The following C5AR1 variants were observed in gnomAD, a reference collection of about 807,000 sequenced individuals.
C5AR1 encodes the protein complement C5a receptor 1, also known as C5a anaphylatoxin chemotactic receptor 1.
C5AR1 carries 4 observed loss-of-function variants against 2.4 expected under a neutral mutation model. That is an observed-to-expected ratio of 1.65 (90% CI 0.81 to 3.77). The LOEUF (loss-of-function observed/expected upper bound fraction) is 3.77, where lower values mean the gene tolerates loss of function less well. Ranked by LOEUF, C5AR1 falls within the 30% of genes most tolerant of loss-of-function variation. The pLI is 0.01. For missense variants in C5AR1, 418 were observed against 462.5 expected (o/e 0.90, Z 0.88); for synonymous variants, 209 against 210.4 (o/e 0.99, Z 0.06).
Position 47,317,758 on chromosome 19 carries a change from A to C in C5AR1, c.4-2023A>C, listed in dbSNP as rs571128328. Reference sequence around the variant, plus strand: ...AGCATTTTGGGAGGCCAAGGCAGGCAGATCACGAGGTCAGGAGTTCGAGAC... The same window carrying C: ...AGCATTTTGGGAGGCCAAGGCAGGCCGATCACGAGGTCAGGAGTTCGAGAC... On this transcript the variant is annotated intron_variant, in intron 1 of 1. Transcript: ENST00000355085. Among the ~76,000 whole-genome samples, 103 of 152,016 alleles carry C rather than the reference A, an allele frequency of 6.8e-4. 1 individual carries two copies. Among genetic ancestry groups the C allele is most frequent in the African/African-American group, 2.2e-3 (92 of 41,518 alleles).
At chr19:47,311,691 A>G (rs2059271252) in intron 1 of C5AR1, among the ~76,000 whole-genome samples, 3 of 151,638 alleles carry the variant, frequency 2.0e-5, no homozygotes, top group Admixed American at 2.0e-4. Flanking sequence ...CAGCCTCCCG[A>G]CTAGGTGGGA....
chr19:47,320,694 G>T lies in C5AR1; in HGVS notation c.917G>T (p.Gly306Val). The change falls in exon 2 of 2, where the codon GGC becomes GTC. Residue 306 changes from glycine to valine, a missense_variant. By Grantham distance (109) the Gly-to-Val change is moderately radical (BLOSUM62 -3). Coordinates refer to ENST00000355085, the MANE Select transcript of C5AR1 (RefSeq NM_001736.4). The surrounding 1 kb of genome is among the most constrained non-coding windows in gnomAD (Gnocchi z 4.9). ...NPIIYVVAGQGFQGRLRKSLP... is the reference protein window; with the variant it reads ...NPIIYVVAGQVFQGRLRKSLP... ...ATCATCTACGTGGTGGCCGGCCAGG[G>T]CTTCCAGGGCCGACTGCGGAAATCC... 6.2e-7 allele frequency: 1 copy of T among 1,614,148 alleles called. No homozygotes were observed. The highest frequency in any genetic ancestry group is 1.1e-5 in the South Asian group (1 of 91,080).
At position 47,320,301 on chromosome 19, in the gene C5AR1, G is replaced by A. The variant is rs200984662; in HGVS notation, c.524G>A (p.Arg175Gln). 18 of 1,611,666 alleles carry A rather than the reference G, an allele frequency of 1.1e-5. No individual in the cohort carries two copies. In the Admixed American group the frequency reaches 1.5e-4, roughly 13 times the overall value. ...LLLTIPSFLY[R>Q]VVREEYFPPK... ...CTGACCATACCCTCCTTCCTGTACC[G>A]GGTGGTCCGGGAGGAGTACTTTCCA... The change falls in exon 2 of 2, where the codon CGG (arginine) becomes CAG (glutamine). Residue 175 changes from arginine (R) to glutamine (Q), a missense_variant. Arg to Gln is a conservative substitution (Grantham distance 43, BLOSUM62 1). Coordinates refer to ENST00000355085, the MANE Select transcript of C5AR1 (RefSeq NM_001736.4). This position sits in a 1 kb window ranked among gnomAD's most constrained non-coding sequence, Gnocchi z 4.9.
At chr19:47,319,217 C>T (rs958213793) in intron 1 of C5AR1, among the ~76,000 whole-genome samples, 12 of 150,208 alleles carry the variant, frequency 8.0e-5, no homozygotes, top group Non-Finnish European at 1.5e-4. Flanking sequence ...GCTGCTGGAT[C>T]GTGGGGAAGC....
chr19:47,317,864 C>A (rs1179810721), intron 1 of C5AR1, among the ~76,000 whole-genome samples: 1 of 151,656 alleles, frequency 6.6e-6, no homozygotes, highest in African/African-American at 2.4e-5. Context: ...GCCTTTAGTC[C>A]CAGCTACTCA....
At chr19:47,315,698 G>A (rs568593260) in intron 1 of C5AR1, among the ~76,000 whole-genome samples, 29 of 152,260 alleles carry the variant, frequency 1.9e-4, no homozygotes, top group African/African-American at 6.3e-4. Flanking sequence ...TGAACATGGC[G>A]ACCTGGAGTG....
chr19:47,310,081 C>T, intron 1 of C5AR1, among the ~76,000 whole-genome samples, 183 bp downstream of exon 1: 1 of 152,180 alleles, frequency 6.6e-6, no homozygotes, highest in Admixed American at 6.6e-5. Flanking sequence ...CTCTCACACT[C>T]CAGGGCTGGG....
At chr19:47,315,294 G>C (rs1404544706) in intron 1 of C5AR1, among the ~76,000 whole-genome samples, 1 of 152,190 alleles carries the variant, frequency 6.6e-6, no homozygotes, top group Non-Finnish European at 1.5e-5. Flanking sequence ...AGTCTTTGGA[G>C]AGGTGCTGCA....
intron 1 of C5AR1, among the ~76,000 whole-genome samples, chr19:47,315,645 T>TC (rs2122134892): frequency 6.6e-6 from 1 of 152,122 alleles, no homozygotes; most frequent in African/African-American, 2.4e-5. Context: ...CTGGGCAGGG[T>TC]CTAGGGCCTC....
At chr19:47,313,624 G>C (rs1330626974) in intron 1 of C5AR1, among the ~76,000 whole-genome samples, 6 of 151,964 alleles carry the variant, frequency 3.9e-5, no homozygotes, top group Admixed American at 3.3e-4. Context: ...GGCACCTGTA[G>C]TCCCAGCTAC....
upstream of C5AR1, among the ~76,000 whole-genome samples, chr19:47,308,531 TTTTTC>T (rs1436302721): frequency 3.3e-5 from 5 of 151,932 alleles, no homozygotes; most frequent in East Asian, 3.9e-4. Flanking sequence ...AAGGATGATT[TTTTTC>T]TTTTCTTTTC....
chr19:47,309,800 G>T, upstream of C5AR1: 2 of 1,362,768 alleles, frequency 1.5e-6, no homozygotes, highest in South Asian at 2.4e-5. Context: ...GAGAAAGACG[G>T]TCATTTCCTC....
Position 47,320,467 on chromosome 19 carries a change from G to A in C5AR1, c.690G>A (p.Trp230Ter). 6.2e-7 allele frequency: 1 copy of A among 1,613,342 alleles called. No individual in the cohort carries two copies. The highest frequency in any genetic ancestry group is 8.5e-7 in the Non-Finnish European group (1 of 1,180,030). Residue 230 changes from tryptophan (W) to a stop codon, truncating the protein, a stop_gained, in exon 2 of 2, where the codon TGG (tryptophan) becomes TGA (stop). Transcript: ENST00000355085. LOFTEE classifies it low-confidence loss of function (END_TRUNC). The surrounding 1 kb of genome is among the most constrained non-coding windows in gnomAD (Gnocchi z 4.9). The part of the protein sequence containing the change: ...ICYTFILLRT[W>*]SRRATRSTKT... ...ACACTTTCATCCTGCTCCGGACGTG[G>A]AGCCGCAGGGCCACGCGGTCCACCA...
Position 47,320,998 on chromosome 19 carries a change from C to T in C5AR1, c.*168C>T, listed in dbSNP as rs546275644. ...TCCCTCCTTTTCCAGCGGGACTCTT[C>T]TCATCCTTCCTCATTTGCAAGGTGA... is the stretch of plus-strand genomic sequence containing the variant. On this transcript the variant is annotated 3_prime_UTR_variant, in exon 2 of 2. Transcript: ENST00000355085. This position sits in a 1 kb window ranked among gnomAD's most constrained non-coding sequence, Gnocchi z 4.9. 1.7e-6 allele frequency: 1 copy of T among 591,302 alleles called. No homozygotes were observed. The highest frequency in any genetic ancestry group is 2.9e-6 in the Non-Finnish European group (1 of 341,990). The allele number at this position is 591,302 out of a possible 1,614,324, so 36.6% of individuals were successfully genotyped here.
intron 1 of C5AR1, among the ~76,000 whole-genome samples, chr19:47,313,405 A>G (rs1242345471): frequency 2.0e-5 from 3 of 151,794 alleles, no homozygotes; most frequent in African/African-American, 7.3e-5. Context: ...CCTAGAATGC[A>G]TGCCCCCCCA....
In C5AR1 at chr19:47,317,519, A is replaced by AT. The variant is rs1555807018; in HGVS notation, c.4-2262_4-2261insT. On this transcript the variant is annotated intron_variant, in intron 1 of 1. Coordinates refer to ENST00000355085, the MANE Select transcript of C5AR1 (RefSeq NM_001736.4). The stretch of plus-strand genomic sequence containing the variant: ...TGAGACTCAGTCTCAAAAAAAAAAA[A>AT]ATATATATATATATATAGTGGTTCA... 4.1e-3 allele frequency among the ~76,000 whole-genome samples: 541 copies of AT among 133,374 alleles called. 4 individuals are homozygous for AT. Among genetic ancestry groups the AT allele is most frequent in the East Asian group, 0.025 (116 of 4,648 alleles). 87.5% of individuals were successfully genotyped at this position (133,374 alleles called of 152,430 possible).
At chr19:47,314,024 C>G (rs981471130) in intron 1 of C5AR1, among the ~76,000 whole-genome samples, 3 of 152,128 alleles carry the variant, frequency 2.0e-5, no homozygotes. Flanking sequence ...CTGTTCTCAT[C>G]CGATCGTTCA....
chr19:47,322,045 A>G lies in C5AR1; in HGVS notation c.*1215A>G, dbSNP rs909723370. ...AAAAGTATACATGACTTTAATGAGGAAAATAAAAATGAATATTGAAATGTT... is the reference window on the plus strand; with the variant it reads ...AAAAGTATACATGACTTTAATGAGGGAAATAAAAATGAATATTGAAATGTT... On this transcript the variant is annotated 3_prime_UTR_variant, in exon 2 of 2. Transcript: ENST00000355085. 6.6e-6 allele frequency: 1 copy of G among 152,214 alleles called. No individual in the cohort carries two copies. Among genetic ancestry groups the G allele is most frequent in the African/African-American group, 2.4e-5 (1 of 41,466 alleles). The allele number at this position is 152,214 out of a possible 1,614,324, so 9.4% of individuals were successfully genotyped here.
intron 1 of C5AR1, among the ~76,000 whole-genome samples, chr19:47,318,010 T>A (rs1390678774): frequency 6.6e-6 from 1 of 151,026 alleles, no homozygotes; most frequent in Non-Finnish European, 1.5e-5. Context: ...CAAAACTCCA[T>A]CTGCAAATTC....
Sources: gnomAD v4.1 joint callset for allele counts (sites outside exome capture counted in the v4.1 genomes callset) on GRCh38, gnomAD v4.1.1 for gene constraint, Gnocchi (gnomAD v3.1) non-coding constraint, MANE v1.5 for transcripts, NCBI Gene and HGNC (gene_info 2026-07-23, HGNC 2026-07-21) for gene names.